The following DNAH14 variants were observed in gnomAD, a reference collection of about 807,000 sequenced individuals.
DNAH14 encodes the protein dynein axonemal heavy chain 14.
Under a neutral mutation model 520.9 loss-of-function variants are expected in DNAH14, and 478 were observed. The observed-to-expected ratio is 0.92, with a 90% CI of 0.85 to 0.99. DNAH14 has a LOEUF of 0.99. DNAH14 is among the 50% of genes least tolerant of loss of function. The pLI, the probability that DNAH14 is intolerant of heterozygous loss-of-function variation, is 0.00. For missense variants in DNAH14, 4,831 were observed against 5,234.5 expected (o/e 0.92, Z 2.38); for synonymous variants, 1,581 against 1,757.2 (o/e 0.90, Z 2.51).
intron 41 of DNAH14, among the ~76,000 whole-genome samples, chr1:225,212,613 TG>T (rs2088609654): frequency 6.6e-6 from 1 of 152,164 alleles, no homozygotes; most frequent in African/African-American, 2.4e-5. Flanking sequence ...TGGTGTGAGG[TG>T]GTATCTCATT....
intron 77 of DNAH14, among the ~76,000 whole-genome samples, chr1:225,371,941 A>T (rs2095623374): frequency 6.6e-6 from 1 of 152,180 alleles, no homozygotes; most frequent in South Asian, 2.1e-4. Flanking sequence ...GGATTGCTTT[A>T]TCTAAATTAT....
At chr1:225,205,392 A>G (rs1382063752) in intron 39 of DNAH14, among the ~76,000 whole-genome samples, 4 of 152,184 alleles carry the variant, frequency 2.6e-5, no homozygotes, top group Non-Finnish European at 5.9e-5. Flanking sequence ...ACCCCCAGAC[A>G]AGGAATCTGC....
intron 25 of DNAH14, among the ~76,000 whole-genome samples, chr1:225,118,742 T>A (rs925847739): frequency 2.6e-5 from 4 of 151,540 alleles, no homozygotes; most frequent in African/African-American, 9.7e-5. Flanking sequence ...AATTAGCTGA[T>A]CGTGGTGGCA....
At chr1:224,967,401 A>G in intron 5 of DNAH14, 30 bp from the exon 6 acceptor site, 1 of 1,473,896 alleles carries the variant, frequency 6.8e-7, no homozygotes, top group South Asian at 1.4e-5. Context: ...AATTAATTAA[A>G]TTTGTTTATT....
chr1:225,259,167 A>T lies in DNAH14; in HGVS notation c.7071A>T (p.Glu2357Asp). 6.5e-7 allele frequency: 1 copy of T among 1,547,018 alleles called. No homozygotes were observed. Among genetic ancestry groups the T allele is most frequent in the Non-Finnish European group, 8.7e-7 (1 of 1,145,598 alleles). ...GKTAAINQML[E>D]KLEGPGAFDI... ...CTGCTGCCATTAATCAAATGCTTGA[A>T]AAGCTAGAGGGTCCAGGAGCATTTG... Residue 2357 changes from glutamate to aspartate, a missense_variant, in exon 46 of 86, where the codon GAA becomes GAT. Physicochemically the swap from Glu to Asp is conservative, Grantham distance 45 (BLOSUM62 2). Transcript: ENST00000682510.
At chr1:225,239,631 G>A (rs1176608286) in intron 42 of DNAH14, among the ~76,000 whole-genome samples, 1 of 152,086 alleles carries the variant, frequency 6.6e-6, no homozygotes, top group South Asian at 2.1e-4. Flanking sequence ...AGCCATCTTG[G>A]CCCCTTGACA....
intron 12 of DNAH14, among the ~76,000 whole-genome samples, chr1:225,040,232 C>T (rs1056536870): frequency 1.3e-5 from 2 of 152,108 alleles, no homozygotes; most frequent in African/African-American, 4.8e-5. Flanking sequence ...AGCCACTGCG[C>T]CCGGCCATAT....
intron 1 of DNAH14, among the ~76,000 whole-genome samples, chr1:224,939,389 G>T (rs1334213637): frequency 6.6e-6 from 1 of 152,092 alleles, no homozygotes; most frequent in Non-Finnish European, 1.5e-5. Flanking sequence ...ATCAAAAAAC[G>T]GCCGGGTGTG....
intron 41 of DNAH14, among the ~76,000 whole-genome samples, chr1:225,213,946 T>C (rs2088863078): frequency 6.6e-6 from 1 of 152,180 alleles, no homozygotes; most frequent in Non-Finnish European, 1.5e-5. Flanking sequence ...AACACTATGT[T>C]GAATAGGAGT....
chr1:224,961,594 A>G (rs1175281233), intron 4 of DNAH14, among the ~76,000 whole-genome samples: 1 of 152,116 alleles, frequency 6.6e-6, no homozygotes, highest in Non-Finnish European at 1.5e-5. Context: ...TAAAACAATC[A>G]GATCTCATGA....
chr1:224,963,929 C>T (rs897664281), intron 4 of DNAH14, among the ~76,000 whole-genome samples: 2 of 152,114 alleles, frequency 1.3e-5, no homozygotes, highest in Admixed American at 6.6e-5. Context: ...TTGTATGCTT[C>T]TCTTTCCATG....
chr1:225,209,713 G>A (rs907092454), intron 41 of DNAH14, among the ~76,000 whole-genome samples: 1 of 152,158 alleles, frequency 6.6e-6, no homozygotes, highest in Non-Finnish European at 1.5e-5. Flanking sequence ...GCTAATATAT[G>A]ATTTAAGCAT....
At chr1:225,132,035 T>C (rs759923952) in intron 27 of DNAH14, among the ~76,000 whole-genome samples, 1 of 152,116 alleles carries the variant, frequency 6.6e-6, no homozygotes, top group African/African-American at 2.4e-5. Context: ...CTTTGATTTT[T>C]CTCCAGAAAA....
intron 8 of DNAH14, among the ~76,000 whole-genome samples, chr1:224,977,524 CA>C (rs778734113): frequency 6.6e-6 from 1 of 152,088 alleles, no homozygotes; most frequent in Non-Finnish European, 1.5e-5. Context: ...TGATAAATAA[CA>C]ATAAATCAAG....
At chr1:225,008,575 C>CTTTTTTTTT (rs57331050) in intron 10 of DNAH14, among the ~76,000 whole-genome samples, 818 of 98,382 alleles carry the variant, frequency 8.3e-3, no homozygotes, top group African/African-American at 0.029. Context: ...TTTTTCCTGA[C>CTTTTTTTTT]TTTTTTTTTT....
At chr1:225,003,582 A>G (rs768599477) in intron 9 of DNAH14, among the ~76,000 whole-genome samples, 17 of 152,092 alleles carry the variant, frequency 1.1e-4, no homozygotes, top group Non-Finnish European at 2.4e-4. Context: ...AACAAGATCA[A>G]TACTTGTAAA....
chr1:225,347,568 A>G (rs1437890442), intron 71 of DNAH14, among the ~76,000 whole-genome samples: 5 of 152,140 alleles, frequency 3.3e-5, no homozygotes, highest in African/African-American at 1.2e-4. Context: ...CAGAATATTG[A>G]TAAGACTGGC....
intron 36 of DNAH14, among the ~76,000 whole-genome samples, chr1:225,172,456 T>C (rs932104397): frequency 2.5e-4 from 38 of 152,230 alleles, no homozygotes; most frequent in African/African-American, 8.9e-4. Context: ...ACAAGCATTC[T>C]TATACACCAA....
intron 10 of DNAH14, among the ~76,000 whole-genome samples, chr1:225,009,975 T>C (rs929248076): frequency 2.6e-5 from 4 of 152,220 alleles, no homozygotes; most frequent in African/African-American, 9.6e-5. Context: ...AAGTTGCTTA[T>C]CAGGTTAAGG....
Sources: allele counts gnomAD v4.1 joint callset (sites outside exome capture counted in the v4.1 genomes callset), GRCh38; gene constraint gnomAD v4.1.1; transcripts MANE v1.5; gene names NCBI Gene and HGNC (gene_info 2026-07-23, HGNC 2026-07-21).